Variants in BACE2 observed in about 807,000 individuals in gnomAD.
The protein encoded by BACE2 is beta-secretase 2.
In BACE2, 17 loss-of-function variants were observed where a neutral mutation model predicts 46.2. That is an observed-to-expected ratio of 0.37 (90% CI 0.25 to 0.55). The LOEUF is 0.55. Among genes scored for constraint, BACE2 ranks in the 20% least tolerant of loss-of-function variants. The pLI is 0.82. For missense variants in BACE2, 595 were observed against 698.1 expected (o/e 0.85, Z 1.66); for synonymous variants, 277 against 295.9 (o/e 0.94, Z 0.66).
At position 41,275,402 on chromosome 21, in the gene BACE2, C is replaced by T. The variant is rs151128615; in HGVS notation, c.1335C>T (p.Ser445=). Residue 445 remains serine, a synonymous_variant, in exon 9 of 9, where the codon TCC becomes TCT. Coordinates refer to ENST00000330333, the MANE Select transcript of BACE2 (RefSeq NM_012105.5). ...EIAGAAVSEI[S]GPFSTEDVAS... is the part of the protein sequence containing the mutation. ...CAGGTGCTGCAGTGTCTGAAATTTC[C>T]GGGCCTTTCTCAACAGAGGATGTAG... is the stretch of plus-strand genomic sequence containing the variant. 6.3e-5 allele frequency: 101 copies of T among 1,614,126 alleles called. No homozygotes were observed. The highest frequency in any genetic ancestry group is 5.4e-4 in the South Asian group (49 of 91,072).
intron 8 of BACE2, 43 bp from the exon 9 acceptor site, chr21:41,275,328 C>T (rs369988356): frequency 1.7e-5 from 28 of 1,611,000 alleles, no homozygotes; most frequent in Admixed American, 1.0e-4. Context: ...AGAGGTGGAC[C>T]GCTCATTTCA....
Position 41,187,069 on chromosome 21 carries a change from C to G in BACE2, c.312+18494C>G, listed in dbSNP as rs187569631. Among the ~76,000 whole-genome samples, 451 of 152,304 alleles carry G rather than the reference C, an allele frequency of 3.0e-3. 2 individuals are homozygous for G. The highest frequency in any genetic ancestry group is 0.01 in the African/African-American group (434 of 41,572). On this transcript the variant is annotated intron_variant, in intron 1 of 8. Transcript: ENST00000330333. ...CAAGCCTTGCCTCTGGAATCAAGTC[C>G]CGCCTCCTGCCTCACCAGGAGTCGC... is the stretch of plus-strand genomic sequence containing the variant.
chr21:41,209,084 GC>G (rs1385712779), intron 1 of BACE2, among the ~76,000 whole-genome samples: 3 of 152,346 alleles, frequency 2.0e-5, no homozygotes, highest in Middle Eastern at 3.4e-3. Context: ...CTGGGTTGCA[GC>G]CCATGTGCAC....
At position 41,277,529 on chromosome 21, in the gene BACE2, C is replaced by G. The variant is rs925614230; in HGVS notation, c.*1905C>G. On this transcript the variant is annotated 3_prime_UTR_variant, in exon 9 of 9. Transcript: ENST00000330333. Reference sequence around the variant, plus strand: ...ATCCCATTGGCTTTTTCCGTGGTTGCTGTTTTGTGGGCCGCTTTGCACAGG... The same window carrying G: ...ATCCCATTGGCTTTTTCCGTGGTTGGTGTTTTGTGGGCCGCTTTGCACAGG... 3 of 152,224 alleles carry G rather than the reference C, an allele frequency of 2.0e-5. No homozygotes were observed. Among genetic ancestry groups the G allele is most frequent in the African/African-American group, 7.2e-5 (3 of 41,458 alleles). The allele number at this position is 152,224 out of a possible 1,614,324, so 9.4% of individuals were successfully genotyped here.
At chr21:41,251,196 A>G (rs981296665) in intron 7 of BACE2, among the ~76,000 whole-genome samples, 1 of 152,208 alleles carries the variant, frequency 6.6e-6, no homozygotes, top group Non-Finnish European at 1.5e-5. Context: ...ATGGAGGAAC[A>G]GAGCCATGCG....
chr21:41,231,925 C>A (rs1601291334), intron 2 of BACE2, among the ~76,000 whole-genome samples: 2 of 152,084 alleles, frequency 1.3e-5, no homozygotes, highest in South Asian at 4.2e-4. Flanking sequence ...CTAATAATAA[C>A]CCCTAGAGTC....
chr21:41,272,474 C>T (rs183500998), intron 8 of BACE2, among the ~76,000 whole-genome samples: 11 of 151,788 alleles, frequency 7.2e-5, no homozygotes, highest in East Asian at 1.9e-4. Flanking sequence ...CTGATGTTCT[C>T]TCTCTCTCTT....
At chr21:41,176,599 A>C (rs1984853500) in intron 1 of BACE2, 1 of 152,130 alleles carries the variant, frequency 6.6e-6, no homozygotes, top group African/African-American at 2.4e-5. Flanking sequence ...TTCTTCCTAA[A>C]TACTCTTCCT....
Position 41,234,960 on chromosome 21 carries a change from G to A in BACE2, c.402-2553G>A, listed in dbSNP as rs149882675. 1.3e-4 allele frequency among the ~76,000 whole-genome samples: 20 copies of A among 152,256 alleles called. No homozygotes were observed. The East Asian group carries it at 2.5e-3, about 19-fold the overall frequency. On this transcript the variant is annotated intron_variant, in intron 2 of 8. Transcript: ENST00000330333. The stretch of plus-strand genomic sequence containing the variant: ...AATGCCTCTCTTACTTTATGATCAC[G>A]GTGGAGTGAACCAAGATAGTAGGCA...
intron 8 of BACE2, 112 bp from the exon 9 acceptor site, chr21:41,275,259 C>T: frequency 1.4e-6 from 2 of 1,457,260 alleles, no homozygotes; most frequent in South Asian, 2.5e-5. Flanking sequence ...GCCACTGGGA[C>T]CTCAGTGGAC....
intron 7 of BACE2, among the ~76,000 whole-genome samples, chr21:41,254,942 A>G (rs1308731638): frequency 6.6e-6 from 1 of 152,230 alleles, no homozygotes; most frequent in Non-Finnish European, 1.5e-5. Flanking sequence ...GAGCCATTGC[A>G]GTGGATCCCA....
chr21:41,188,872 C>T (rs1167267575), intron 1 of BACE2, among the ~76,000 whole-genome samples: 1 of 152,194 alleles, frequency 6.6e-6, no homozygotes, highest in Non-Finnish European at 1.5e-5. Flanking sequence ...CAGGATTCTT[C>T]CTGGGGCCAC....
At chr21:41,251,779 G>T (rs976762290) in intron 7 of BACE2, among the ~76,000 whole-genome samples, 3 of 151,728 alleles carry the variant, frequency 2.0e-5, no homozygotes, top group Non-Finnish European at 4.4e-5. Context: ...GCAGCCTGGC[G>T]ACAGAGTGAG....
Position 41,208,294 on chromosome 21 carries a change from C to T in BACE2, c.313-17972C>T, listed in dbSNP as rs575545902. ...ACCAGAGGGGAATGTGGGCAGTGCACGCAGGACCGCACGGTGTCTTCTGCA... is the reference window on the plus strand; with the variant it reads ...ACCAGAGGGGAATGTGGGCAGTGCATGCAGGACCGCACGGTGTCTTCTGCA... On this transcript the variant is annotated intron_variant, in intron 1 of 8. Transcript: ENST00000330333. Among the ~76,000 whole-genome samples, 11 of 152,362 alleles carry T rather than the reference C, an allele frequency of 7.2e-5. No homozygotes were observed. In the South Asian group the frequency reaches 1.2e-3, roughly 17 times the overall value.
chr21:41,230,494 T>G (rs1986939731), intron 2 of BACE2, among the ~76,000 whole-genome samples: 1 of 152,362 alleles, frequency 6.6e-6, no homozygotes, highest in South Asian at 2.1e-4. Flanking sequence ...CCTTTTGCCT[T>G]CTCAATTTTT....
At position 41,250,914 on chromosome 21, in the gene BACE2, A is replaced by T. The variant is rs1279251920; in HGVS notation, c.1134+13A>T. The T allele has an allele frequency of 6.2e-7, 1 of 1,613,358 alleles. No individual in the cohort carries two copies. ...AATCCTGCCTCAGGTATGAACTTGG[A>T]TTTGTGCTTTGCTCTTTTTATCATG... On this transcript the variant is annotated intron_variant, in intron 7 of 8. Coordinates refer to ENST00000330333, the MANE Select transcript of BACE2 (RefSeq NM_012105.5).
intron 3 of BACE2, 22 bp from the exon 4 acceptor site, chr21:41,241,797 C>T (rs765090426): frequency 6.2e-7 from 1 of 1,613,702 alleles, no homozygotes; most frequent in Admixed American, 1.7e-5. Flanking sequence ...AGCGGGTGCC[C>T]CTCTCTGTCG....
rs145773895 is a variant in BACE2 at position 41,281,533 on chromosome 21, G to A, written c.*5909G>A. The A allele has an allele frequency of 7.2e-5, 11 of 152,348 alleles. No individual in the cohort carries two copies. Among genetic ancestry groups the A allele is most frequent in the Non-Finnish European group, 1.6e-4 (11 of 68,040 alleles). 9.4% of individuals were successfully genotyped at this position (152,348 alleles called of 1,614,324 possible). A position where few individuals can be genotyped will look rare whatever the true frequency, so the allele number is the denominator to read the frequency against. ...TATGTTTTTCTGTTGAGTGCTATAT[G>A]TGGAGGTCATTGCAAGTTCCCTGAT... On this transcript the variant is annotated 3_prime_UTR_variant, in exon 9 of 9. Coordinates refer to ENST00000330333, the MANE Select transcript of BACE2 (RefSeq NM_012105.5).
rs117643069 is a variant in BACE2, at chr21:41,191,415, G to A, written c.312+22840G>A. ...ACCATGACGGTGGATAATGTATTCC[G>A]TGAACCCACGGATGGTAGTCTTGGC... On this transcript the variant is annotated intron_variant, in intron 1 of 8. Transcript: ENST00000330333. Among the ~76,000 whole-genome samples the A allele has an allele frequency of 1.6e-3, 242 of 152,312 alleles. 1 individual carries two copies. Among genetic ancestry groups the A allele is most frequent in the Non-Finnish European group, 2.7e-3 (181 of 68,030 alleles).
Sources: gnomAD v4.1 joint callset for allele counts (sites outside exome capture counted in the v4.1 genomes callset) on GRCh38, gnomAD v4.1.1 for gene constraint, MANE v1.5 for transcripts, NCBI Gene and HGNC (gene_info 2026-07-23, HGNC 2026-07-21) for gene names.